Variants in EDEM3 observed in about 807,000 individuals in gnomAD.
EDEM3 encodes the protein ER degradation-enhancing alpha-mannosidase-like protein 3.
In EDEM3, 60 loss-of-function variants were observed where a neutral mutation model predicts 110.2. The ratio of observed to expected loss-of-function variants is 0.54; its 90% CI spans 0.44 to 0.67. The LOEUF (loss-of-function observed/expected upper bound fraction) is 0.67, where lower values mean the gene tolerates loss of function less well. EDEM3 is among the 30% of genes least tolerant of loss of function. The pLI is 0.00. For synonymous variants in EDEM3, 352 were observed against 382.9 expected (o/e 0.92, Z 0.94); for missense variants, 996 against 1,121.0 (o/e 0.89, Z 1.59).
At chr1:184,741,852 G>GT (rs1044211063) in intron 2 of EDEM3, among the ~76,000 whole-genome samples, 1 of 151,984 alleles carries the variant, frequency 6.6e-6, no homozygotes, top group Non-Finnish European at 1.5e-5. Flanking sequence ...GGCTGGAACA[G>GT]TTTTTTTTCC....
chr1:184,742,683 C>G (rs184867126), intron 2 of EDEM3, among the ~76,000 whole-genome samples: 13 of 152,206 alleles, frequency 8.5e-5, no homozygotes, highest in Non-Finnish European at 1.6e-4. Context: ...GCCACCATGC[C>G]CAGCCCCTAA....
intron 7 of EDEM3, among the ~76,000 whole-genome samples, chr1:184,725,925 T>C (rs1651166613): frequency 2.0e-5 from 3 of 152,084 alleles, no homozygotes; most frequent in Non-Finnish European, 2.9e-5. Flanking sequence ...GTCTAACAAA[T>C]AAAACACAGG....
At chr1:184,732,066 C>T (rs1055479118) in intron 6 of EDEM3, among the ~76,000 whole-genome samples, 1 of 152,012 alleles carries the variant, frequency 6.6e-6, no homozygotes, top group South Asian at 2.1e-4. Context: ...GTCCCAGCTA[C>T]TCGGGAGGCT....
chr1:184,736,197 T>A lies in EDEM3; in HGVS notation c.345+828A>T, dbSNP rs553734295. Among the ~76,000 whole-genome samples, 49 of 152,184 alleles carry A rather than the reference T, an allele frequency of 3.2e-4. No individual in the cohort carries two copies. The East Asian group carries it at 6.9e-3, about 22-fold the overall frequency. ...ATAACTTAGGAGGACCTATTTTTTT[T>A]AAATCACAAGTGAACCTCTTAAGCT... On this transcript the variant is annotated intron_variant, in intron 4 of 19. Coordinates refer to ENST00000318130, the MANE Select transcript of EDEM3 (RefSeq NM_025191.4).
intron 2 of EDEM3, among the ~76,000 whole-genome samples, 159 bp downstream of exon 2, chr1:184,749,388 C>T (rs967992557): frequency 3.3e-5 from 5 of 151,846 alleles, no homozygotes; most frequent in Admixed American, 2.6e-4. Flanking sequence ...AAACTGGTTC[C>T]CTAAAAACCA....
At chr1:184,748,946 A>T (rs912097632) in intron 2 of EDEM3, among the ~76,000 whole-genome samples, 2 of 152,008 alleles carry the variant, frequency 1.3e-5, no homozygotes, top group Admixed American at 6.6e-5. Context: ...TATGTGCAAA[A>T]TTTTTTTTGA....
At chr1:184,717,400 GATGA>G (rs1650611085) in intron 12 of EDEM3, 136 bp downstream of exon 12, 1 of 635,562 alleles carries the variant, frequency 1.6e-6, no homozygotes. Context: ...CTATGGACTA[GATGA>G]ATAAGAATCA....
At chr1:184,735,994 T>C (rs144673848) in intron 4 of EDEM3, among the ~76,000 whole-genome samples, 106 of 152,340 alleles carry the variant, frequency 7.0e-4, no homozygotes, top group Non-Finnish European at 1.2e-3. Flanking sequence ...CTCTTTCTCA[T>C]AGTTACTGTA....
chr1:184,704,758 C>CA (rs1034117222), intron 18 of EDEM3, among the ~76,000 whole-genome samples: 8 of 143,206 alleles, frequency 5.6e-5, no homozygotes, highest in African/African-American at 1.6e-4. Context: ...TAATAGCTAC[C>CA]AAAAAAAACA....
Position 184,741,583 on chromosome 1 carries a change from T to C in EDEM3, c.205-3872A>G, listed in dbSNP as rs191527523. 5.5e-3 allele frequency among the ~76,000 whole-genome samples: 842 copies of C among 152,282 alleles called. 8 individuals are homozygous for C. The highest frequency in any genetic ancestry group is 0.019 in the African/African-American group (807 of 41,560). On this transcript the variant is annotated intron_variant, in intron 2 of 19. Coordinates refer to ENST00000318130, the MANE Select transcript of EDEM3 (RefSeq NM_025191.4). ...ACAAAGACTTTGAAGGTTTATAACA[T>C]CTACATTCTGGTCTGGAACCATAAT...
chr1:184,742,890 AT>A (rs1652222176), intron 2 of EDEM3, among the ~76,000 whole-genome samples: 1 of 152,236 alleles, frequency 6.6e-6, no homozygotes, highest in South Asian at 2.1e-4. Flanking sequence ...TTTGTAAAAC[AT>A]CATTCAAATG....
chr1:184,697,886 TTGTG>T (rs576377502), intron 19 of EDEM3, among the ~76,000 whole-genome samples: 2 of 149,684 alleles, frequency 1.3e-5, no homozygotes, highest in Non-Finnish European at 3.0e-5. Flanking sequence ...GTTGGGAAAA[TTGTG>T]TGTGTGTGTG....
chr1:184,737,065 C>G lies in EDEM3; in HGVS notation c.306-1G>C. 6.4e-7 allele frequency: 1 copy of G among 1,565,610 alleles called. No individual in the cohort carries two copies. Among genetic ancestry groups the G allele is most frequent in the Non-Finnish European group, 8.6e-7 (1 of 1,165,828 alleles). On this transcript the variant is annotated splice_acceptor_variant, in intron 3 of 19. Coordinates refer to ENST00000318130, the MANE Select transcript of EDEM3 (RefSeq NM_025191.4). LOFTEE classifies it high-confidence loss of function. ...AGAATCAATCAGTGTCAGAGAAAAT[C>G]TAAGAAACAAGCGTTAACAAGATAT...
chr1:184,741,770 G>A (rs1652154440), intron 2 of EDEM3, among the ~76,000 whole-genome samples: 1 of 152,160 alleles, frequency 6.6e-6, no homozygotes, highest in Admixed American at 6.5e-5. Context: ...AACGGGTATT[G>A]TAGTTCTCTG....
chr1:184,712,073 C>T (rs1195351186), intron 14 of EDEM3, among the ~76,000 whole-genome samples, 196 bp from the exon 15 acceptor site: 1 of 151,826 alleles, frequency 6.6e-6, no homozygotes, highest in East Asian at 1.9e-4. Flanking sequence ...ACTACAGGCG[C>T]CCACTACCAC....
In EDEM3 at chr1:184,708,134, A is replaced by G; in HGVS notation, c.2037+19T>C. 1 of 1,574,836 alleles carries G rather than the reference A, an allele frequency of 6.3e-7. No homozygotes were observed. The highest frequency in any genetic ancestry group is 8.6e-7 in the Non-Finnish European group (1 of 1,162,464). On this transcript the variant is annotated intron_variant, in intron 17 of 19. Transcript: ENST00000318130. ...TATTTTAAATTCAGTTTCAACAACT[A>G]TATTTTAAGTATACATACCTCTTTA... is the stretch of plus-strand genomic sequence containing the variant.
chr1:184,710,408 G>A lies in EDEM3; in HGVS notation c.1831C>T (p.Gln611Ter). The A allele has an allele frequency of 6.2e-7, 1 of 1,613,732 alleles. No individual in the cohort carries two copies. The highest frequency in any genetic ancestry group is 1.7e-4 in the Middle Eastern group (1 of 6,056). Residue 611 changes from glutamine to a stop codon, truncating the protein, a stop_gained, in exon 16 of 20, where the codon CAA becomes TAA. Transcript: ENST00000318130. LOFTEE classifies it high-confidence loss of function. ...HLKDGRVQLV[Q>*]HAIQAASSID... is the part of the protein sequence containing the mutation. The stretch of plus-strand genomic sequence containing the variant: ...CAATGTCTTACTTGGATTGCATGTT[G>A]GACCAACTGGACTCTCCCATCTTTG...
At chr1:184,753,946 T>G (rs1037546458) in intron 1 of EDEM3, among the ~76,000 whole-genome samples, 1 of 152,208 alleles carries the variant, frequency 6.6e-6, no homozygotes, top group African/African-American at 2.4e-5. Context: ...TTTGAATAAT[T>G]TCCCCCCAAA....
rs143550397 is a variant in EDEM3 at position 184,699,494 on chromosome 1, G to A, written c.2389+3317C>T. Among the ~76,000 whole-genome samples the A allele has an allele frequency of 1.7e-3, 258 of 151,994 alleles. 2 individuals are homozygous for A. The East Asian group carries it at 0.019, about 11-fold the overall frequency. On this transcript the variant is annotated intron_variant, in intron 19 of 19. Coordinates refer to ENST00000318130, the MANE Select transcript of EDEM3 (RefSeq NM_025191.4). The stretch of plus-strand genomic sequence containing the variant: ...GAAGGGAAGGTTAAGTATCAATTCT[G>A]CTAAGAAGAATGTTTCAGATGTTTC...
Sources: allele counts gnomAD v4.1 joint callset (sites outside exome capture counted in the v4.1 genomes callset), GRCh38; gene constraint gnomAD v4.1.1; transcripts MANE v1.5; gene names NCBI Gene and HGNC (gene_info 2026-07-23, HGNC 2026-07-21).